Variants in REL observed in about 807,000 individuals in gnomAD.
REL encodes the protein REL proto-oncogene, NF-kB subunit, also known as proto-oncogene c-Rel.
Under a neutral mutation model 45.9 loss-of-function variants are expected in REL, and 15 were observed. The observed-to-expected ratio is 0.33, with a 90% CI of 0.22 to 0.50. The LOEUF is 0.50. Among genes scored for constraint, REL ranks in the 20% least tolerant of loss-of-function variants. The pLI is 0.98. For missense variants in REL, 601 were observed against 715.2 expected, an observed-to-expected ratio of 0.84 and a Z score of 1.82; for synonymous variants, 239 against 242.1, an observed-to-expected ratio of 0.99 and a Z score of 0.12.
intron 3 of REL, among the ~76,000 whole-genome samples, chr2:60,897,855 T>C (rs1428928537): frequency 7.4e-6 from 1 of 135,998 alleles, no homozygotes; most frequent in Non-Finnish European, 1.6e-5. Context: ...AGCGAGATTG[T>C]ATCTCTTTAA....
At chr2:60,900,504 T>C (rs559277189) in intron 3 of REL, 2 of 155,784 alleles carry the variant, frequency 1.3e-5, no homozygotes, top group African/African-American at 4.8e-5. Flanking sequence ...CTTTTAACAG[T>C]TCTTAGAAGT....
intron 5 of REL, 128 bp downstream of exon 5, chr2:60,917,145 A>G: frequency 1.3e-6 from 1 of 757,826 alleles, no homozygotes; most frequent in Non-Finnish European, 2.1e-6. Context: ...CATTAGAGAA[A>G]TATATAACAG....
chr2:60,915,843 CTG>C (rs1018900068), intron 4 of REL, among the ~76,000 whole-genome samples: 21 of 152,108 alleles, frequency 1.4e-4, no homozygotes, highest in Non-Finnish European at 2.1e-4. Context: ...TTTTATAGAA[CTG>C]TAAAATTTTT....
intron 9 of REL, among the ~76,000 whole-genome samples, chr2:60,921,249 A>C (rs1403375383): frequency 6.6e-6 from 1 of 151,968 alleles, no homozygotes; most frequent in East Asian, 1.9e-4. Context: ...TACAGAATTA[A>C]TTTTTTCTGT....
chr2:60,912,717 T>C (rs1673853839), intron 4 of REL, among the ~76,000 whole-genome samples: 1 of 152,042 alleles, frequency 6.6e-6, no homozygotes, highest in Admixed American at 6.6e-5. Context: ...TAAATCTACA[T>C]ATTCACCCAA....
chr2:60,918,655 G>C (rs2103982239), intron 7 of REL, 49 bp downstream of exon 7: 1 of 1,208,406 alleles, frequency 8.3e-7, no homozygotes, highest in South Asian at 1.2e-5. Flanking sequence ...AAGTGGTCCT[G>C]CTAATAACAT....
chr2:60,886,172 G>A lies in REL; in HGVS notation c.10+4322G>A, dbSNP rs184052879. 7.2e-5 allele frequency among the ~76,000 whole-genome samples: 11 copies of A among 152,258 alleles called. No homozygotes were observed. The East Asian group carries it at 7.7e-4, about 11-fold the overall frequency. ...TTTCTTGGAAGGCTTTTTCAGCAAC[G>A]TGTATCTGGGCTTTAAAAACTATGA... On this transcript the variant is annotated intron_variant, in intron 1 of 9. Transcript: ENST00000394479.
At chr2:60,921,622 A>AT in intron 9 of REL, 141 bp from the exon 10 acceptor site, 2 of 747,052 alleles carry the variant, frequency 2.7e-6, no homozygotes, top group Non-Finnish European at 4.2e-6. Context: ...TGCTTTTTAC[A>AT]TTTTTTTATT....
At position 60,922,414 on chromosome 2, in the gene REL, C is replaced by A; in HGVS notation, c.1643C>A (p.Pro548Gln). The A allele has an allele frequency of 1.2e-6, 2 of 1,613,974 alleles. No individual in the cohort carries two copies. Among genetic ancestry groups the A allele is most frequent in the Non-Finnish European group, 8.5e-7 (1 of 1,179,948 alleles). The change falls in exon 10 of 10, where the codon CCA becomes CAA. Residue 548 changes from proline (P) to glutamine (Q), a missense_variant. Transcript: ENST00000394479. ...ADNSMINESGPSNSTNPNSHG... is the reference protein window; with the variant it reads ...ADNSMINESGQSNSTNPNSHG... The stretch of plus-strand genomic sequence containing the variant: ...AACAGCATGATAAATGAGTCGGGAC[C>A]ATCAAACAGTACTAATCCAAACAGT...
intron 4 of REL, among the ~76,000 whole-genome samples, chr2:60,909,208 G>A (rs1437597871): frequency 6.6e-6 from 1 of 151,870 alleles, no homozygotes. Flanking sequence ...TTTCAAATTT[G>A]TATCTAACAC....
intron 1 of REL, among the ~76,000 whole-genome samples, chr2:60,885,258 T>C (rs1673042531): frequency 6.6e-6 from 1 of 152,220 alleles, no homozygotes; most frequent in South Asian, 2.1e-4. Flanking sequence ...ACCCAAATAT[T>C]GCATGGGATA....
chr2:60,898,726 C>A (rs1673421133), intron 3 of REL, among the ~76,000 whole-genome samples: 1 of 152,216 alleles, frequency 6.6e-6, no homozygotes, highest in African/African-American at 2.4e-5. Flanking sequence ...AATATGTAAA[C>A]ATCAGTTTGG....
chr2:60,929,122 T>A lies in REL; in HGVS notation c.*6587T>A, dbSNP rs1674332413. ...AATGCAAATCAAAACCACAATGAGA[T>A]ACCATCTCACACCAGTTAGAATGGC... On this transcript the variant is annotated 3_prime_UTR_variant, in exon 10 of 10. Coordinates refer to ENST00000394479, the MANE Select transcript of REL (RefSeq NM_001291746.2). The A allele has an allele frequency of 6.6e-6, 1 of 151,222 alleles. No homozygotes were observed. The highest frequency in any genetic ancestry group is 2.4e-5 in the African/African-American group (1 of 41,136). 9.4% of individuals were successfully genotyped at this position (151,222 alleles called of 1,614,324 possible). A position where few individuals can be genotyped will look rare whatever the true frequency, so the allele number is the denominator to read the frequency against.
At chr2:60,891,575 A>G (rs1673215078) in intron 1 of REL, 108 bp from the exon 2 acceptor site, 2 of 1,018,512 alleles carry the variant, frequency 2.0e-6, no homozygotes, top group Non-Finnish European at 2.8e-6. Flanking sequence ...GTTAGGAGGA[A>G]AAAAATCTTT....
chr2:60,886,549 A>G (rs964090077), intron 1 of REL, among the ~76,000 whole-genome samples: 2 of 152,126 alleles, frequency 1.3e-5, no homozygotes, highest in Admixed American at 1.3e-4. Flanking sequence ...AATAATTTCT[A>G]TTATTTTTCA....
Position 60,930,338 on chromosome 2 carries a change from G to C in REL, c.*7803G>C, listed in dbSNP as rs1392748084. ...GAGTGAGAAAAATCATTATGGATTAGGTTCTTTAGTAAGAAACCTGAGATG... is the reference window on the plus strand; with the variant it reads ...GAGTGAGAAAAATCATTATGGATTACGTTCTTTAGTAAGAAACCTGAGATG... On this transcript the variant is annotated 3_prime_UTR_variant, in exon 10 of 10. Coordinates refer to ENST00000394479, the MANE Select transcript of REL (RefSeq NM_001291746.2). The C allele has an allele frequency of 6.6e-6, 1 of 152,218 alleles. No individual in the cohort carries two copies. The highest frequency in any genetic ancestry group is 1.5e-5 in the Non-Finnish European group (1 of 68,006). 9.4% of individuals were successfully genotyped at this position (152,218 alleles called of 1,614,324 possible). A position where few individuals can be genotyped will look rare whatever the true frequency, so the allele number is the denominator to read the frequency against.
intron 3 of REL, chr2:60,900,624 A>G (rs1673467153): frequency 5.6e-6 from 1 of 179,016 alleles, no homozygotes; most frequent in Non-Finnish European, 1.2e-5. Flanking sequence ...CCCAGGCTCA[A>G]GTGATTCTCC....
At chr2:60,887,579 A>T (rs1673101695) in intron 1 of REL, among the ~76,000 whole-genome samples, 1 of 151,578 alleles carries the variant, frequency 6.6e-6, no homozygotes, top group Admixed American at 6.6e-5. Flanking sequence ...AATTACAGTT[A>T]TTTGGAATAA....
intron 2 of REL, among the ~76,000 whole-genome samples, chr2:60,893,859 T>C (rs1038765209): frequency 1.3e-5 from 2 of 152,228 alleles, no homozygotes; most frequent in Admixed American, 1.3e-4. Flanking sequence ...CTAGCTATAC[T>C]TTCTATGTGA....
Sources: allele counts gnomAD v4.1 joint callset (sites outside exome capture counted in the v4.1 genomes callset), GRCh38; gene constraint gnomAD v4.1.1; transcripts MANE v1.5; gene names NCBI Gene and HGNC (gene_info 2026-07-23, HGNC 2026-07-21).